Variants in ATF7IP observed in about 807,000 individuals in gnomAD.
ATF7IP encodes activating transcription factor 7-interacting protein 1.
In ATF7IP, 23 loss-of-function variants were observed where a neutral mutation model predicts 106.4. The observed-to-expected ratio is 0.22, with a 90% CI of 0.16 to 0.31. ATF7IP has a LOEUF of 0.31. Ranked by LOEUF, ATF7IP falls within the 10% of genes least tolerant of loss-of-function variation. ATF7IP has a pLI of 1.00. For missense variants in ATF7IP, 1,334 were observed against 1,524.3 expected (o/e 0.88, Z 2.08); for synonymous variants, 542 against 539.0 (o/e 1.01, Z -0.08).
Position 14,457,192 on chromosome 12 carries a change from A to G in ATF7IP, c.2070-15A>G, listed in dbSNP as rs200814310. 6.3e-6 allele frequency: 10 copies of G among 1,598,124 alleles called. No individual in the cohort carries two copies. The highest frequency in any genetic ancestry group is 1.3e-5 in the African/African-American group (1 of 74,496). ...GCATATCTATTGACTATTGGTGTGT[A>G]TATGTATTTCATAGAAATGCAGGCA... On this transcript the variant is annotated splice_polypyrimidine_tract_variant and intron_variant, in intron 7 of 14. Coordinates refer to ENST00000261168, the MANE Select transcript of ATF7IP (RefSeq NM_018179.5).
rs747194414 is a variant in ATF7IP, at chr12:14,494,284, A to AATATAT, written c.3281-1902_3281-1897dup. Among the ~76,000 whole-genome samples the AATATAT allele has an allele frequency of 9.6e-3, 515 of 53,614 alleles. 5 individuals carry two copies. Among genetic ancestry groups the AATATAT allele is most frequent in the Middle Eastern group, 0.015 (1 of 68 alleles). The allele number at this position is 53,614 out of a possible 152,430, so 35.2% of individuals were successfully genotyped here. On this transcript the variant is annotated intron_variant, in intron 13 of 14. Transcript: ENST00000261168. Reference sequence around the variant, plus strand: ...TTCTCTAGGGGGACAGAGCTAATAGAATATATATATATATATATATATATA... The same window carrying AATATAT: ...TTCTCTAGGGGGACAGAGCTAATAGAATATATATATATATATATATATATATATATA...
chr12:14,438,300 G>A, intron 5 of ATF7IP, 33 bp downstream of exon 5: 1 of 1,543,506 alleles, frequency 6.5e-7, no homozygotes, highest in South Asian at 1.2e-5. Flanking sequence ...TATACTCCAT[G>A]TGTCATTGTT....
chr12:14,382,882 C>T (rs1939054092), intron 1 of ATF7IP, among the ~76,000 whole-genome samples: 1 of 151,828 alleles, frequency 6.6e-6, no homozygotes. Flanking sequence ...TGGGGATGTG[C>T]GTATTAAGGA....
At chr12:14,443,895 G>A (rs933624153) in intron 5 of ATF7IP, among the ~76,000 whole-genome samples, 7 of 152,036 alleles carry the variant, frequency 4.6e-5, no homozygotes, top group Admixed American at 2.0e-4. Flanking sequence ...AATATAATGA[G>A]AAAAAGATTT....
At chr12:14,419,513 A>G (rs1410705940) in intron 1 of ATF7IP, among the ~76,000 whole-genome samples, 2 of 152,198 alleles carry the variant, frequency 1.3e-5, no homozygotes, top group Non-Finnish European at 2.9e-5. Flanking sequence ...ATGGCCTTTC[A>G]GTATTTTGAA....
intron 1 of ATF7IP, among the ~76,000 whole-genome samples, chr12:14,412,768 C>T (rs1940992624): frequency 6.6e-6 from 1 of 151,846 alleles, no homozygotes. Flanking sequence ...AATCCCAGCA[C>T]TTTGGGTGGC....
rs1943609035 is a variant in ATF7IP, at chr12:14,460,844, A to G, written c.2508A>G (p.Pro836=). 1 of 1,614,074 alleles carries G rather than the reference A, an allele frequency of 6.2e-7. No homozygotes were observed. The highest frequency in any genetic ancestry group is 1.3e-5 in the African/African-American group (1 of 74,922). ...TTACCAAAAATCCAGTATCCTTGCC[A>G]TCCTTGCCAAATCCCACTAAACCAA... The part of the protein sequence containing the change: ...SGLTKNPVSL[P]SLPNPTKPNN... Residue 836 remains proline (P), a synonymous_variant, in exon 9 of 15, where the codon CCA becomes CCG. Coordinates refer to ENST00000261168, the MANE Select transcript of ATF7IP (RefSeq NM_018179.5).
At chr12:14,408,158 T>G (rs1374928481) in intron 1 of ATF7IP, among the ~76,000 whole-genome samples, 1 of 150,120 alleles carries the variant, frequency 6.7e-6, no homozygotes, top group Non-Finnish European at 1.5e-5. Context: ...ATATGGACAG[T>G]GGCATGTTTC....
At chr12:14,391,651 T>C (rs1939560060) in intron 1 of ATF7IP, among the ~76,000 whole-genome samples, 1 of 152,044 alleles carries the variant, frequency 6.6e-6, no homozygotes, top group Non-Finnish European at 1.5e-5. Context: ...ATATGAAAAA[T>C]GGATATATAG....
At chr12:14,381,721 TTAAA>T (rs1939009399) in intron 1 of ATF7IP, among the ~76,000 whole-genome samples, 1 of 151,900 alleles carries the variant, frequency 6.6e-6, no homozygotes, top group African/African-American at 2.4e-5. Context: ...AGCATCTTAA[TTAAA>T]TAAATAAAAC....
rs1447768915 is a variant in ATF7IP at position 14,498,399 on chromosome 12, C to CA, written c.*329dup. On this transcript the variant is annotated 3_prime_UTR_variant, in exon 15 of 15. Transcript: ENST00000261168. ...CATTGGAGTCTCCCATTTTCATTCT[C>CA]AAATTTACCTCTTAAAGTACGAAGT... The CA allele has an allele frequency of 4.4e-6, 1 of 227,756 alleles. No homozygotes were observed. The highest frequency in any genetic ancestry group is 2.3e-5 in the African/African-American group (1 of 44,152). The allele number at this position is 227,756 out of a possible 1,614,324, so 14.1% of individuals were successfully genotyped here.
intron 2 of ATF7IP, among the ~76,000 whole-genome samples, chr12:14,430,274 C>T (rs1326176251): frequency 6.6e-6 from 1 of 152,070 alleles, no homozygotes; most frequent in Non-Finnish European, 1.5e-5. Flanking sequence ...TGTGTGTGCT[C>T]ATAAGATGGA....
intron 1 of ATF7IP, chr12:14,420,328 C>G (rs1941431164): frequency 6.6e-6 from 1 of 152,090 alleles, no homozygotes; most frequent in East Asian, 1.9e-4. Context: ...CAAGATAAAG[C>G]TGTAATTGAT....
chr12:14,409,950 A>G (rs948806735), intron 1 of ATF7IP, among the ~76,000 whole-genome samples: 4 of 152,080 alleles, frequency 2.6e-5, no homozygotes, highest in Admixed American at 6.5e-5. Flanking sequence ...ATGTCATACA[A>G]TTCATCTGTT....
At chr12:14,494,284 A>AATATATATATATATATATAT (rs747194414) in intron 13 of ATF7IP, among the ~76,000 whole-genome samples, 1 of 53,800 alleles carries the variant, frequency 1.9e-5, no homozygotes, top group Non-Finnish European at 3.7e-5. Context: ...GAGCTAATAG[A>AATATATATATATATATATAT]ATATATATAT....
At chr12:14,378,130 C>T (rs1938837136) in intron 1 of ATF7IP, among the ~76,000 whole-genome samples, 1 of 137,896 alleles carries the variant, frequency 7.3e-6, no homozygotes, top group African/African-American at 2.7e-5. Context: ...TGGAATCTTG[C>T]TCTGTCGCCC....
intron 1 of ATF7IP, chr12:14,394,797 T>G (rs901269852): frequency 2.0e-5 from 3 of 152,212 alleles, no homozygotes; most frequent in African/African-American, 7.2e-5. Context: ...AGTTCTTTTA[T>G]AGGTTTATAC....
intron 1 of ATF7IP, among the ~76,000 whole-genome samples, chr12:14,371,257 A>T (rs571012496): frequency 6.6e-6 from 1 of 152,224 alleles, no homozygotes; most frequent in Admixed American, 6.5e-5. Flanking sequence ...TGAAAAGAAG[A>T]AATCACGGAA....
At chr12:14,417,445 G>A (rs532131596) in intron 1 of ATF7IP, among the ~76,000 whole-genome samples, 1 of 152,042 alleles carries the variant, frequency 6.6e-6, no homozygotes, top group South Asian at 2.1e-4. Flanking sequence ...TAACAATAGT[G>A]GTAGATGGGT....
Sources: allele counts gnomAD v4.1 joint callset (sites outside exome capture counted in the v4.1 genomes callset), GRCh38; gene constraint gnomAD v4.1.1; transcripts MANE v1.5; gene names NCBI Gene and HGNC (gene_info 2026-07-23, HGNC 2026-07-21).